DROSHA: variants seen among roughly 807,000 people sequenced by gnomAD.
DROSHA encodes drosha ribonuclease III, also known as ribonuclease 3.
DROSHA carries 56 observed loss-of-function variants against 181.9 expected under a neutral mutation model. The observed-to-expected ratio is 0.31, with a 90% CI of 0.25 to 0.38. The LOEUF (loss-of-function observed/expected upper bound fraction) is 0.38. Among genes scored for constraint, DROSHA ranks in the 10% least tolerant of loss-of-function variants. The probability of loss-of-function intolerance (pLI) is 1.00; values close to 1 mark genes in which losing one functional copy is unlikely to be tolerated. For synonymous variants in DROSHA, 524 were observed against 591.2 expected (o/e 0.89, Z 1.65); for missense variants, 1,218 against 1,743.5 (o/e 0.70, Z 5.37).
chr5:31,511,139 T>C lies in DROSHA; in HGVS notation c.1328A>G (p.Asp443Gly), dbSNP rs1365662368. The change falls in exon 9 of 36, where the codon GAC becomes GGC. Residue 443 changes from aspartate to glycine, a missense_variant. Physicochemically the swap from Asp to Gly is moderately conservative, Grantham distance 94 (BLOSUM62 -1). This residue lies in a region of DROSHA where 460 missense variants were observed against 774.2 expected (regional missense o/e 0.59). Coordinates refer to ENST00000344624, the MANE Select transcript of DROSHA (RefSeq NM_001382508.1). ...CTCCTCCTCAAATTTGTCATATAAG[T>C]CACGAAGCCTACTCGTTCCAACCAC... ...STVVGTSRLR[D>G]LYDKFEEELG... 1 of 1,613,836 alleles carries C rather than the reference T, an allele frequency of 6.2e-7. No individual in the cohort carries two copies. Among genetic ancestry groups the C allele is most frequent in the African/African-American group, 1.3e-5 (1 of 74,982 alleles).
chr5:31,478,700 C>T (rs1580233480), intron 16 of DROSHA, among the ~76,000 whole-genome samples: 1 of 152,168 alleles, frequency 6.6e-6, no homozygotes, highest in Admixed American at 6.5e-5. Flanking sequence ...CACCACCGCA[C>T]TCCACCCTGG....
chr5:31,509,118 C>T (rs1265414499), intron 9 of DROSHA, among the ~76,000 whole-genome samples: 1 of 152,018 alleles, frequency 6.6e-6, no homozygotes, highest in Non-Finnish European at 1.5e-5. Flanking sequence ...CCACCGCACC[C>T]GGCTGACAAA....
rs138660939 is a variant in DROSHA at position 31,426,205 on chromosome 5, C to T, written c.3217-1734G>A. 1.2e-4 allele frequency among the ~76,000 whole-genome samples: 19 copies of T among 152,156 alleles called. No individual in the cohort carries two copies. The East Asian group carries it at 3.5e-3, about 28-fold the overall frequency. ...CATTTCCTTTCATCTACCCCATAGA[C>T]ACCGAGATAGGGTTCTGCTGCACCT... On this transcript the variant is annotated intron_variant, in intron 27 of 35. Transcript: ENST00000344624.
chr5:31,455,270 T>C (rs959986166), intron 20 of DROSHA, among the ~76,000 whole-genome samples: 2 of 151,996 alleles, frequency 1.3e-5, no homozygotes, highest in South Asian at 2.1e-4. Context: ...AAGATGCATA[T>C]ATCTTATAAG....
intron 20 of DROSHA, among the ~76,000 whole-genome samples, chr5:31,461,010 CA>C (rs774150213): frequency 1.1e-3 from 172 of 152,176 alleles, no homozygotes; most frequent in South Asian, 3.9e-3. Flanking sequence ...GCCAAATAAA[CA>C]ATAAAAAATG....
chr5:31,480,472 G>A (rs145749978), intron 16 of DROSHA, among the ~76,000 whole-genome samples: 74 of 152,158 alleles, frequency 4.9e-4, no homozygotes, highest in African/African-American at 1.6e-3. Context: ...AAAGGGGTCC[G>A]AAGGGGGTTC....
chr5:31,427,527 C>A (rs1248232501), intron 27 of DROSHA, among the ~76,000 whole-genome samples: 1 of 152,156 alleles, frequency 6.6e-6, no homozygotes, highest in Non-Finnish European at 1.5e-5. Context: ...CTGTAAAATG[C>A]CATTATGACC....
chr5:31,488,591 A>G (rs1298709438), intron 13 of DROSHA, among the ~76,000 whole-genome samples: 1 of 152,190 alleles, frequency 6.6e-6, no homozygotes, highest in African/African-American at 2.4e-5. Context: ...GATGATCTAG[A>G]GAGGAAAATA....
At position 31,405,736 on chromosome 5, in the gene DROSHA, A is replaced by T. The variant is rs1740560239; in HGVS notation, c.3948-13T>A. The T allele has an allele frequency of 4.0e-6, 6 of 1,504,724 alleles. No individual in the cohort carries two copies. The highest frequency in any genetic ancestry group is 1.4e-5 in the African/African-American group (1 of 70,118). The allele number at this position is 1,504,724 out of a possible 1,614,324, so 93.2% of individuals were successfully genotyped here. On this transcript the variant is annotated splice_polypyrimidine_tract_variant and intron_variant, in intron 34 of 35. Transcript: ENST00000344624. ...CGCTTGCTGAATACTATTAAATAAA[A>T]TAAAGTAAGACATACTTTAATTTCA... is the stretch of plus-strand genomic sequence containing the variant.
At chr5:31,451,183 CAA>C (rs1321853486) in intron 21 of DROSHA, among the ~76,000 whole-genome samples, 3 of 151,592 alleles carry the variant, frequency 2.0e-5, no homozygotes, top group African/African-American at 4.9e-5. Context: ...GCCTGGGAAA[CAA>C]GAGCGAAACT....
At chr5:31,439,430 C>T (rs769489480) in intron 23 of DROSHA, among the ~76,000 whole-genome samples, 1 of 152,058 alleles carries the variant, frequency 6.6e-6, no homozygotes, top group Non-Finnish European at 1.5e-5. Flanking sequence ...TAATAATGGT[C>T]GCAAAGCACA....
Position 31,515,059 on chromosome 5 carries a change from GTTC to G in DROSHA, c.1216_1218del (p.Glu406del), listed in dbSNP as rs760849334. 31 of 1,613,870 alleles carry G rather than the reference GTTC, an allele frequency of 1.9e-5. No homozygotes were observed. The highest frequency in any genetic ancestry group is 4.5e-5 in the East Asian group (2 of 44,900). On this transcript the variant is annotated inframe_deletion, in exon 8 of 36. Coordinates refer to ENST00000344624, the MANE Select transcript of DROSHA (RefSeq NM_001382508.1). Reference sequence around the variant, plus strand: ...CATCGAATCCACACAGGCTTAAGAAGTTCTTCTTCTTCCTCCTCATTCTTGTCA... The same window carrying G: ...CATCGAATCCACACAGGCTTAAGAAGTTCTTCTTCCTCCTCATTCTTGTCA...
intron 25 of DROSHA, among the ~76,000 whole-genome samples, chr5:31,432,173 C>T (rs939382492): frequency 7.9e-5 from 12 of 151,802 alleles, no homozygotes; most frequent in African/African-American, 2.9e-4. Context: ...GCTCTGTCGC[C>T]CAGGCTGGAG....
In DROSHA at chr5:31,468,174, C is replaced by T; in HGVS notation, c.2242-111G>A. 3 of 1,283,324 alleles carry T rather than the reference C, an allele frequency of 2.3e-6. No homozygotes were observed. The South Asian group carries it at 4.6e-5, about 20-fold the overall frequency. The allele number at this position is 1,283,324 out of a possible 1,614,324, so 79.5% of individuals were successfully genotyped here. A position where few individuals can be genotyped will look rare whatever the true frequency, so the allele number is the denominator to read the frequency against. ...CTTTTTTCCAGGAAAGCCTTGTCCC[C>T]AAAGGGAAAAGGTCATTTAAAACCC... is the stretch of plus-strand genomic sequence containing the variant. On this transcript the variant is annotated intron_variant, in intron 17 of 35. Transcript: ENST00000344624.
At chr5:31,523,831 CG>C (rs1441180589) in intron 5 of DROSHA, among the ~76,000 whole-genome samples, 1 of 151,652 alleles carries the variant, frequency 6.6e-6, no homozygotes, top group South Asian at 2.1e-4. Flanking sequence ...AAAAATTAGC[CG>C]GGCTTGGTGG....
At chr5:31,518,418 A>T (rs896297391) in intron 6 of DROSHA, among the ~76,000 whole-genome samples, 2 of 152,326 alleles carry the variant, frequency 1.3e-5, no homozygotes, top group Middle Eastern at 3.4e-3. Context: ...TACATTTTAT[A>T]GTTTTCTTCC....
At chr5:31,440,225 G>A (rs978042952) in intron 23 of DROSHA, among the ~76,000 whole-genome samples, 1 of 152,020 alleles carries the variant, frequency 6.6e-6, no homozygotes, top group African/African-American at 2.4e-5. Flanking sequence ...CCAGGGGTGC[G>A]GGCTAACTCC....
chr5:31,418,645 G>T (rs1742266570), intron 30 of DROSHA, among the ~76,000 whole-genome samples: 2 of 152,112 alleles, frequency 1.3e-5, no homozygotes, highest in Admixed American at 6.5e-5. Flanking sequence ...GAGGATGTGG[G>T]TGACAGAAAA....
In DROSHA at chr5:31,400,577, C is replaced by CT. The variant is rs1739913847; in HGVS notation, c.*854dup. ...AATAACTTTTTTTAAAATGTTATGT[C>CT]TTTGAATGTCATGTTAGCCTTTTAC... On this transcript the variant is annotated 3_prime_UTR_variant, in exon 36 of 36. Coordinates refer to ENST00000344624, the MANE Select transcript of DROSHA (RefSeq NM_001382508.1). The CT allele has an allele frequency of 6.6e-6, 1 of 152,124 alleles. No individual in the cohort carries two copies. The highest frequency in any genetic ancestry group is 1.5e-5 in the Non-Finnish European group (1 of 68,002). The allele number at this position is 152,124 out of a possible 1,614,324, so 9.4% of individuals were successfully genotyped here.
Sources: gnomAD v4.1 joint callset for allele counts (sites outside exome capture counted in the v4.1 genomes callset) on GRCh38, gnomAD v4.1.1 for gene constraint, gnomAD v4.1.1 regional missense constraint, MANE v1.5 for transcripts, NCBI Gene and HGNC (gene_info 2026-07-23, HGNC 2026-07-21) for gene names.